SAMHD1: variants seen among roughly 807,000 people sequenced by gnomAD.
SAMHD1 encodes SAM and HD domain containing deoxynucleoside triphosphate triphosphohydrolase 1, also known as deoxynucleoside triphosphate triphosphohydrolase SAMHD1.
A neutral mutation model predicts 79.6 loss-of-function variants in SAMHD1; 54 were observed. The ratio of observed to expected loss-of-function variants is 0.68; its 90% CI spans 0.55 to 0.85. The LOEUF (loss-of-function observed/expected upper bound fraction) is 0.85, where lower values mean the gene tolerates loss of function less well. Among genes scored for constraint, SAMHD1 ranks in the 40% least tolerant of loss-of-function variants. The pLI, the probability that SAMHD1 is intolerant of heterozygous loss-of-function variation, is 0.00. For missense variants in SAMHD1, 663 were observed against 782.7 expected, an observed-to-expected ratio of 0.85 and a Z score of 1.82; for synonymous variants, 260 against 264.1, an observed-to-expected ratio of 0.98 and a Z score of 0.15.
chr20:36,947,593 G>C (rs1305726243), intron 1 of SAMHD1, among the ~76,000 whole-genome samples: 1 of 135,878 alleles, frequency 7.4e-6, no homozygotes, highest in African/African-American at 2.7e-5. Context: ...TGTGTGTGTT[G>C]TTGGGTTTTT....
intron 1 of SAMHD1, among the ~76,000 whole-genome samples, chr20:36,948,336 T>A (rs1319708033): frequency 6.6e-6 from 1 of 151,940 alleles, no homozygotes; most frequent in Non-Finnish European, 1.5e-5. Flanking sequence ...CACTGCAACC[T>A]CCGCCTCCCA....
At chr20:36,948,696 A>T (rs1327116258) in intron 1 of SAMHD1, among the ~76,000 whole-genome samples, 1 of 147,044 alleles carries the variant, frequency 6.8e-6, no homozygotes, top group African/African-American at 2.5e-5. Flanking sequence ...GTGAAACCCC[A>T]TCTCTACTAA....
At chr20:36,942,233 T>C (rs1228257350) in intron 2 of SAMHD1, among the ~76,000 whole-genome samples, 2 of 152,050 alleles carry the variant, frequency 1.3e-5, no homozygotes, top group Non-Finnish European at 2.9e-5. Flanking sequence ...CTGACTAACA[T>C]GGAGAAACCC....
At chr20:36,908,174 C>T (rs1267087209) in intron 11 of SAMHD1, among the ~76,000 whole-genome samples, 1 of 152,082 alleles carries the variant, frequency 6.6e-6, no homozygotes, top group Non-Finnish European at 1.5e-5. Context: ...CCCTGCCTAG[C>T]CTTACATGTA....
chr20:36,905,961 G>A (rs2063402979), intron 11 of SAMHD1, among the ~76,000 whole-genome samples: 2 of 150,690 alleles, frequency 1.3e-5, no homozygotes, highest in South Asian at 2.1e-4. Context: ...CAACAAGAGC[G>A]AGAGACTGTC....
intron 2 of SAMHD1, among the ~76,000 whole-genome samples, chr20:36,942,350 GGA>G (rs1175007441): frequency 6.6e-6 from 1 of 152,054 alleles, no homozygotes; most frequent in African/African-American, 2.4e-5. Flanking sequence ...CCCGGGAGGC[GGA>G]GATTGCGGTG....
chr20:36,942,350 G>A (rs1399393799), intron 2 of SAMHD1, among the ~76,000 whole-genome samples: 1 of 152,050 alleles, frequency 6.6e-6, no homozygotes, highest in African/African-American at 2.4e-5. Context: ...CCCGGGAGGC[G>A]GAGATTGCGG....
At chr20:36,947,065 G>A in intron 1 of SAMHD1, 1 of 358,968 alleles carries the variant, frequency 2.8e-6, no homozygotes, top group Non-Finnish European at 5.2e-6. Context: ...AAAACCAGTT[G>A]CAAAAAGGAA....
chr20:36,939,768 C>T (rs187437182), intron 3 of SAMHD1, among the ~76,000 whole-genome samples: 28 of 152,194 alleles, frequency 1.8e-4, no homozygotes, highest in Non-Finnish European at 3.7e-4. Context: ...AGAAGATATC[C>T]TACATCTTCT....
intron 9 of SAMHD1, among the ~76,000 whole-genome samples, chr20:36,914,811 A>G (rs1479562284): frequency 6.6e-6 from 1 of 151,568 alleles, no homozygotes; most frequent in Non-Finnish European, 1.5e-5. Flanking sequence ...GTTCGAGACC[A>G]GCCTGGGGAA....
chr20:36,943,110 C>T (rs2063659136), intron 2 of SAMHD1, among the ~76,000 whole-genome samples: 2 of 152,042 alleles, frequency 1.3e-5, no homozygotes, highest in South Asian at 4.1e-4. Flanking sequence ...ACTCTGGGCA[C>T]AGGGATTGGG....
chr20:36,912,889 G>GTTTTTTTTTT lies in SAMHD1; in HGVS notation c.1063-347_1063-338dup, dbSNP rs71186089. Among the ~76,000 whole-genome samples, 162 of 41,100 alleles carry GTTTTTTTTTT rather than the reference G, an allele frequency of 3.9e-3. 39 individuals carry two copies. The highest frequency in any genetic ancestry group is 8.3e-3 in the African/African-American group (79 of 9,544). The allele number at this position is 41,100 out of a possible 152,430, so 27.0% of individuals were successfully genotyped here. A position where few individuals can be genotyped will look rare whatever the true frequency, so the allele number is the denominator to read the frequency against. On this transcript the variant is annotated intron_variant, in intron 9 of 15. Coordinates refer to ENST00000646673, the MANE Select transcript of SAMHD1 (RefSeq NM_015474.4). ...TGTACCCAGCTAACTTTCATTCTTT[G>GTTTTTTTTTT]TTTTTTTTTTTTTTTTTTTTTTTTT...
At chr20:36,925,110 C>A (rs6124452) in intron 6 of SAMHD1, among the ~76,000 whole-genome samples, 34,011 of 148,400 alleles carry the variant, frequency 0.23, 4,641 homozygotes, top group East Asian at 0.46. Context: ...GAGCCAAGAT[C>A]GCACCACTGC....
chr20:36,944,428 G>A (rs2146148375), intron 2 of SAMHD1, among the ~76,000 whole-genome samples: 1 of 152,104 alleles, frequency 6.6e-6, no homozygotes, highest in Admixed American at 6.5e-5. Context: ...GTTTCACAAT[G>A]TACTTCTGTT....
At chr20:36,922,436 G>A (rs1181019805) in intron 6 of SAMHD1, among the ~76,000 whole-genome samples, 1 of 152,172 alleles carries the variant, frequency 6.6e-6, no homozygotes, top group African/African-American at 2.4e-5. Context: ...ACCCAGGCTG[G>A]AGCTCAGTGG....
chr20:36,928,311 C>G (rs1217463752), intron 5 of SAMHD1, among the ~76,000 whole-genome samples: 5 of 151,928 alleles, frequency 3.3e-5, no homozygotes, highest in African/African-American at 1.2e-4. Flanking sequence ...ATGGCGTGAA[C>G]CTGGGAAGCG....
rs527631104 is a variant in SAMHD1 at position 36,890,768 on chromosome 20, C to G, written c.*2164G>C. The G allele has an allele frequency of 1.8e-4, 28 of 152,234 alleles. No homozygotes were observed. The highest frequency in any genetic ancestry group is 6.3e-4 in the African/African-American group (26 of 41,534). 9.4% of individuals were successfully genotyped at this position (152,234 alleles called of 1,614,324 possible). A position where few individuals can be genotyped will look rare whatever the true frequency, so the allele number is the denominator to read the frequency against. ...GCTGGGATTACAGGCATGACCACCT[C>G]GCCTGGCCAAGAAAAATGTAACCTT... On this transcript the variant is annotated 3_prime_UTR_variant, in exon 16 of 16. Coordinates refer to ENST00000646673, the MANE Select transcript of SAMHD1 (RefSeq NM_015474.4).
At chr20:36,932,351 C>T (rs2063572730) in intron 4 of SAMHD1, among the ~76,000 whole-genome samples, 1 of 69,210 alleles carries the variant, frequency 1.4e-5, no homozygotes, top group African/African-American at 5.6e-5. Flanking sequence ...AACTCCGTCT[C>T]CAAAAAAAAA....
chr20:36,913,756 CT>C (rs35178473), intron 9 of SAMHD1, among the ~76,000 whole-genome samples: 32 of 135,292 alleles, frequency 2.4e-4, no homozygotes, highest in Middle Eastern at 3.9e-3. Context: ...TCATTCTTGA[CT>C]TTTTTTTTTT....
Sources: gnomAD v4.1 joint callset for allele counts (sites outside exome capture counted in the v4.1 genomes callset) on GRCh38, gnomAD v4.1.1 for gene constraint, MANE v1.5 for transcripts, NCBI Gene and HGNC (gene_info 2026-07-23, HGNC 2026-07-21) for gene names.